HTR1F: variants seen among roughly 807,000 people sequenced by gnomAD.
HTR1F encodes 5-hydroxytryptamine (serotonin) receptor 1F, G protein-coupled.
A neutral mutation model predicts 24.0 loss-of-function variants in HTR1F; 17 were observed. The observed-to-expected ratio is 0.71, with a 90% CI of 0.48 to 1.06. The LOEUF (loss-of-function observed/expected upper bound fraction) is 1.06, where lower values mean the gene tolerates loss of function less well. Ranked by LOEUF, HTR1F falls within the 50% of genes least tolerant of loss-of-function variation. The pLI, the probability that HTR1F is intolerant of heterozygous loss-of-function variation, is 0.00. For synonymous variants in HTR1F, 186 were observed against 156.8 expected, an observed-to-expected ratio of 1.19 and a Z score of -1.39; for missense variants, 391 against 427.8, an observed-to-expected ratio of 0.91 and a Z score of 0.76.
chr3:87,899,773 G>C (rs145269924), intron 2 of HTR1F, among the ~76,000 whole-genome samples: 1 of 152,148 alleles, frequency 6.6e-6, no homozygotes, highest in Admixed American at 6.6e-5. Context: ...GCTGAGGCAG[G>C]AGAATCGCTT....
chr3:87,889,557 G>A (rs1271151661), intron 2 of HTR1F, among the ~76,000 whole-genome samples: 1 of 152,078 alleles, frequency 6.6e-6, no homozygotes, highest in Non-Finnish European at 1.5e-5. Context: ...AAGATTTGGA[G>A]GTGAAAAAAA....
intron 2 of HTR1F, among the ~76,000 whole-genome samples, chr3:87,872,661 A>G (rs183937570): frequency 1.2e-4 from 19 of 152,244 alleles, no homozygotes; most frequent in Admixed American, 1.2e-3. Flanking sequence ...ACTACTATGA[A>G]CAATTACATT....
At chr3:87,985,242 G>A (rs1427086970) in intron 2 of HTR1F, among the ~76,000 whole-genome samples, 1 of 151,988 alleles carries the variant, frequency 6.6e-6, no homozygotes, top group East Asian at 1.9e-4. Context: ...GGCTGAGGCT[G>A]ACGAATCGCT....
intron 2 of HTR1F, among the ~76,000 whole-genome samples, chr3:87,872,879 C>G (rs1412868036): frequency 2.0e-5 from 3 of 151,952 alleles, no homozygotes; most frequent in Non-Finnish European, 2.9e-5. Flanking sequence ...AAAATTGACA[C>G]CAATCCTTCT....
intron 2 of HTR1F, among the ~76,000 whole-genome samples, chr3:87,866,946 T>TA (rs1204620286): frequency 6.6e-6 from 1 of 151,668 alleles, no homozygotes; most frequent in Non-Finnish European, 1.5e-5. Context: ...GTATTTCTAT[T>TA]AAAAACATCA....
chr3:87,989,525 T>C (rs1428113069), intron 2 of HTR1F, among the ~76,000 whole-genome samples: 1 of 152,236 alleles, frequency 6.6e-6, no homozygotes, highest in Non-Finnish European at 1.5e-5. Flanking sequence ...TTTCATACAA[T>C]GATCATGGAA....
intron 2 of HTR1F, among the ~76,000 whole-genome samples, chr3:87,838,637 G>T (rs1049520250): frequency 3.8e-4 from 57 of 151,882 alleles, no homozygotes; most frequent in African/African-American, 1.4e-3. Context: ...CATTTAAATT[G>T]TTGCAATATC....
At chr3:87,851,467 A>T (rs1053975260) in intron 2 of HTR1F, among the ~76,000 whole-genome samples, 16 of 151,558 alleles carry the variant, frequency 1.1e-4, no homozygotes, top group African/African-American at 3.9e-4. Flanking sequence ...TGCTTATATA[A>T]TTTCTTACAT....
At chr3:87,811,316 C>G (rs1454145967) in intron 1 of HTR1F, among the ~76,000 whole-genome samples, 1 of 150,650 alleles carries the variant, frequency 6.6e-6, no homozygotes, top group Non-Finnish European at 1.5e-5. Context: ...AACACTCAAA[C>G]TACTTCAATG....
chr3:87,863,258 C>G (rs73145290), intron 2 of HTR1F, among the ~76,000 whole-genome samples: 11,386 of 152,242 alleles, frequency 0.075, 519 homozygotes, highest in Middle Eastern at 0.12. Context: ...GTTTCCAGAG[C>G]ACGTTTTCCT....
chr3:87,813,675 G>A (rs144628746), intron 1 of HTR1F, among the ~76,000 whole-genome samples: 223 of 152,210 alleles, frequency 1.5e-3, no homozygotes, highest in African/African-American at 4.5e-3. Context: ...TCCACGTGTC[G>A]AGAGGGACCA....
At chr3:87,861,796 AT>A (rs1350205422) in intron 2 of HTR1F, among the ~76,000 whole-genome samples, 3 of 152,066 alleles carry the variant, frequency 2.0e-5, no homozygotes, top group African/African-American at 7.2e-5. Flanking sequence ...AATTTTTATT[AT>A]TTTTTAGGTA....
intron 2 of HTR1F, among the ~76,000 whole-genome samples, chr3:87,914,341 C>G (rs1703844992): frequency 6.6e-6 from 1 of 152,138 alleles, no homozygotes; most frequent in African/African-American, 2.4e-5. Flanking sequence ...ATCGAGAAGC[C>G]TCCTGGCCAG....
chr3:87,926,602 CATTG>C (rs1434760557), intron 2 of HTR1F, among the ~76,000 whole-genome samples: 2 of 151,992 alleles, frequency 1.3e-5, no homozygotes, highest in Non-Finnish European at 2.9e-5. Flanking sequence ...TATTAAATAA[CATTG>C]ATTACTTCTC....
chr3:87,792,815 G>C lies in HTR1F; in HGVS notation c.-187G>C, dbSNP rs929761327. On this transcript the variant is annotated 5_prime_UTR_variant, in exon 1 of 3. Coordinates refer to ENST00000319595, the MANE Select transcript of HTR1F (RefSeq NM_001322209.2). ...CGGGGCTGGGGGCGCCACCTTGCCA[G>C]CTCCGACTGCTGCAGGGAGCGCCAG... is the stretch of plus-strand genomic sequence containing the variant. 7.2e-5 allele frequency among the ~76,000 whole-genome samples: 11 copies of C among 152,212 alleles called. No homozygotes were observed. The highest frequency in any genetic ancestry group is 2.7e-4 in the African/African-American group (11 of 41,466).
At chr3:87,974,621 T>C (rs909489400) in intron 2 of HTR1F, among the ~76,000 whole-genome samples, 1 of 152,190 alleles carries the variant, frequency 6.6e-6, no homozygotes, top group Non-Finnish European at 1.5e-5. Flanking sequence ...GATTCCTATA[T>C]GTAATAGTGA....
At chr3:87,955,920 G>A (rs1704933772) in intron 2 of HTR1F, among the ~76,000 whole-genome samples, 1 of 151,306 alleles carries the variant, frequency 6.6e-6, no homozygotes, top group Admixed American at 6.6e-5. Flanking sequence ...TAACTTATAA[G>A]AGATCTGTAT....
At position 87,960,052 on chromosome 3, in the gene HTR1F, T is replaced by TA. The variant is rs576624695; in HGVS notation, c.-42-30654dup. 5.3e-4 allele frequency among the ~76,000 whole-genome samples: 81 copies of TA among 152,134 alleles called. No individual in the cohort carries two copies. In the South Asian group the frequency reaches 8.1e-3, roughly 15 times the overall value. ...TCTCATCTTGATCCTTAAAAAACAATAATTCTCAGCCTAGCTACACATTAA... is the reference window on the plus strand; with the variant it reads ...TCTCATCTTGATCCTTAAAAAACAATAAATTCTCAGCCTAGCTACACATTAA... On this transcript the variant is annotated intron_variant, in intron 2 of 2. Coordinates refer to ENST00000319595, the MANE Select transcript of HTR1F (RefSeq NM_001322209.2).
intron 2 of HTR1F, among the ~76,000 whole-genome samples, chr3:87,886,433 G>T (rs1559619148): frequency 6.6e-6 from 1 of 152,146 alleles, no homozygotes; most frequent in Non-Finnish European, 1.5e-5. Context: ...ACTGGCACAA[G>T]ACAGAGATGC....
Sources: allele counts gnomAD v4.1 joint callset (sites outside exome capture counted in the v4.1 genomes callset), GRCh38; gene constraint gnomAD v4.1.1; transcripts MANE v1.5; gene names NCBI Gene and HGNC (gene_info 2026-07-23, HGNC 2026-07-21).